Variants in PKD1L1 observed in about 807,000 individuals in gnomAD.
PKD1L1 encodes the protein polycystin-1-like protein 1.
A neutral mutation model predicts 323.4 loss-of-function variants in PKD1L1; 236 were observed. That is an observed-to-expected ratio of 0.73 (90% CI 0.66 to 0.81). The LOEUF (loss-of-function observed/expected upper bound fraction) is 0.81. Ranked by LOEUF, PKD1L1 falls within the 40% of genes least tolerant of loss-of-function variation. The pLI is 0.00. For synonymous variants in PKD1L1, 1,344 were observed against 1,335.0 expected (o/e 1.01, Z -0.15); for missense variants, 3,320 against 3,508.0 (o/e 0.95, Z 1.35).
chr7:47,937,179 T>C (rs1051980297), intron 3 of PKD1L1, among the ~76,000 whole-genome samples: 9 of 142,942 alleles, frequency 6.3e-5, no homozygotes, highest in African/African-American at 1.5e-4. Context: ...CATGTAGCCA[T>C]AACAGCATCT....
At position 47,904,714 on chromosome 7, in the gene PKD1L1, G is replaced by C. The variant is rs960491834; in HGVS notation, c.1692-97C>G. 1.3e-5 allele frequency: 18 copies of C among 1,356,388 alleles called. No homozygotes were observed. The East Asian group carries it at 4.1e-4, about 31-fold the overall frequency. The allele number at this position is 1,356,388 out of a possible 1,614,324, so 84.0% of individuals were successfully genotyped here. ...GTCTGCTATACTTTAAGAGGAAGGC[G>C]GGGGAGGGGGAGGCAGCATTTAATT... On this transcript the variant is annotated intron_variant, in intron 11 of 56. Coordinates refer to ENST00000289672, the MANE Select transcript of PKD1L1 (RefSeq NM_138295.5).
chr7:47,813,306 C>T lies in PKD1L1; in HGVS notation c.7174-13G>A. Reference sequence around the variant, plus strand: ...ATGGCCTGGGAGGCTGCAGAACAAACCAGCAGTCAGAAGACACAGATACTA... The same window carrying T: ...ATGGCCTGGGAGGCTGCAGAACAAATCAGCAGTCAGAAGACACAGATACTA... On this transcript the variant is annotated splice_polypyrimidine_tract_variant and intron_variant, in intron 48 of 56. Transcript: ENST00000289672. The T allele has an allele frequency of 6.2e-7, 1 of 1,613,640 alleles. No individual in the cohort carries two copies. The highest frequency in any genetic ancestry group is 1.7e-4 in the Middle Eastern group (1 of 6,060).
Position 47,943,350 on chromosome 7 carries a change from C to T in PKD1L1, c.160+46G>A, listed in dbSNP as rs767300130. ...TCCTGTTTATACCAGGGAAATAAAG[C>T]AACATTCTTATCATGGTGGCCATGC... On this transcript the variant is annotated intron_variant, in intron 2 of 56. Coordinates refer to ENST00000289672, the MANE Select transcript of PKD1L1 (RefSeq NM_138295.5). 8 of 1,460,792 alleles carry T rather than the reference C, an allele frequency of 5.5e-6. No individual in the cohort carries two copies. In the South Asian group the frequency reaches 8.1e-5, roughly 15 times the overall value. 90.5% of individuals were successfully genotyped at this position (1,460,792 alleles called of 1,614,324 possible). A position where few individuals can be genotyped will look rare whatever the true frequency, so the allele number is the denominator to read the frequency against.
At chr7:47,784,320 A>T (rs1786759903) in intron 56 of PKD1L1, among the ~76,000 whole-genome samples, 1 of 152,228 alleles carries the variant, frequency 6.6e-6, no homozygotes, top group South Asian at 2.1e-4. Flanking sequence ...TTTTAAATTT[A>T]ATTAGCTTTT....
At chr7:47,805,147 G>A (rs938327533) in intron 52 of PKD1L1, among the ~76,000 whole-genome samples, 1 of 151,740 alleles carries the variant, frequency 6.6e-6, no homozygotes, top group Non-Finnish European at 1.5e-5. Flanking sequence ...AACCCCCAAG[G>A]TATGTATCAT....
rs755787038 is a variant in PKD1L1 at position 47,796,153 on chromosome 7, A to G, written c.8194-3T>C. On this transcript the variant is annotated splice_region_variant and splice_polypyrimidine_tract_variant and intron_variant, in intron 54 of 56. Transcript: ENST00000289672. ...AAAGTCATGAGAAAACCTCTCAGCT[A>G]GGAAAAAGAAAAAAATAAAGACAAA... 6 of 1,575,256 alleles carry G rather than the reference A, an allele frequency of 3.8e-6. No homozygotes were observed. The African/African-American group carries it at 4.1e-5, about 11-fold the overall frequency.
chr7:47,788,369 C>T (rs1436283697), intron 56 of PKD1L1, among the ~76,000 whole-genome samples: 2 of 150,274 alleles, frequency 1.3e-5, no homozygotes, highest in East Asian at 1.9e-4. Context: ...CTGCTCACTG[C>T]AACCTCCACC....
At chr7:47,881,758 A>G (rs928024059) in intron 20 of PKD1L1, 151 bp downstream of exon 20, 2 of 747,356 alleles carry the variant, frequency 2.7e-6, no homozygotes, top group Non-Finnish European at 2.1e-6. Context: ...GTCTCAGGCC[A>G]TAGTCCATAG....
At chr7:47,933,354 C>G (rs989322680) in intron 4 of PKD1L1, among the ~76,000 whole-genome samples, 1 of 152,126 alleles carries the variant, frequency 6.6e-6, no homozygotes, top group African/African-American at 2.4e-5. Flanking sequence ...CTTCCTGAGT[C>G]GTCATTTTTT....
chr7:47,835,065 C>G (rs1321187903), intron 38 of PKD1L1, 26 bp from the exon 39 acceptor site: 1 of 1,612,570 alleles, frequency 6.2e-7, no homozygotes, highest in Admixed American at 1.7e-5. Context: ...GGTGGTTCGC[C>G]AAGCGTGTTC....
At chr7:47,947,738 C>G (rs545584121) in intron 1 of PKD1L1, among the ~76,000 whole-genome samples, 1 of 152,136 alleles carries the variant, frequency 6.6e-6, no homozygotes, top group Non-Finnish European at 1.5e-5. Context: ...GAGGCCAAGG[C>G]GGGCAGATCA....
Position 47,936,955 on chromosome 7 carries a change from T to C in PKD1L1, c.289A>G (p.Ile97Val). 1 of 1,603,936 alleles carries C rather than the reference T, an allele frequency of 6.2e-7. No individual in the cohort carries two copies. The highest frequency in any genetic ancestry group is 8.5e-7 in the Non-Finnish European group (1 of 1,175,638). ...GCTGCTTCACTAGTTGTTTTCCAAATGTTCTGTAAGAAAAAATAATAAAAT... is the reference window on the plus strand; with the variant it reads ...GCTGCTTCACTAGTTGTTTTCCAAACGTTCTGTAAGAAAAAATAATAAAAT... ...PSSSASRQKN[I>V]WKTTSEAALS... Residue 97 changes from isoleucine (I) to valine (V), a missense_variant, in exon 4 of 57, where the codon ATT becomes GTT. Coordinates refer to ENST00000289672, the MANE Select transcript of PKD1L1 (RefSeq NM_138295.5).
rs1475884300 is a variant in PKD1L1, at chr7:47,946,567, A to T, written c.44+1830T>A. Reference sequence around the variant, plus strand: ...ACACACACATCACACAGCACACACCATGTATCACACACACACCATACCCCA... The same window carrying T: ...ACACACACATCACACAGCACACACCTTGTATCACACACACACCATACCCCA... On this transcript the variant is annotated intron_variant, in intron 1 of 56. Coordinates refer to ENST00000289672, the MANE Select transcript of PKD1L1 (RefSeq NM_138295.5). This position sits in a 1 kb window ranked among gnomAD's most constrained non-coding sequence, Gnocchi z 4.1. Among the ~76,000 whole-genome samples, 2 of 150,594 alleles carry T rather than the reference A, an allele frequency of 1.3e-5. No homozygotes were observed. Among genetic ancestry groups the T allele is most frequent in the African/African-American group, 4.9e-5 (2 of 40,878 alleles).
At position 47,843,010 on chromosome 7, in the gene PKD1L1, C is replaced by A. The variant is rs548476706; in HGVS notation, c.5397G>T (p.Ala1799=). The A allele has an allele frequency of 6.2e-7, 1 of 1,613,698 alleles. No individual in the cohort carries two copies. Among genetic ancestry groups the A allele is most frequent in the Non-Finnish European group, 8.5e-7 (1 of 1,179,880 alleles). The change falls in exon 34 of 57, where the codon GCG becomes GCT. Residue 1799 remains alanine, a synonymous_variant. Coordinates refer to ENST00000289672, the MANE Select transcript of PKD1L1 (RefSeq NM_138295.5). ...CTCGGAAGCCAGTGTCAATGACGACCGCATATAGCTGATGGCCCGGCAGGG... is the reference window on the plus strand; with the variant it reads ...CTCGGAAGCCAGTGTCAATGACGACAGCATATAGCTGATGGCCCGGCAGGG... ...EASLPGHQLY[A]VVIDTGFRAP...
intron 28 of PKD1L1, among the ~76,000 whole-genome samples, chr7:47,856,048 A>AT (rs1301184659): frequency 3.3e-5 from 5 of 151,682 alleles, no homozygotes; most frequent in African/African-American, 1.2e-4. Context: ...ATATCTATAT[A>AT]TTTTTTTGAC....
intron 23 of PKD1L1, 144 bp downstream of exon 23, chr7:47,875,953 A>G (rs1786394577): frequency 1.4e-6 from 1 of 729,798 alleles, no homozygotes; most frequent in Admixed American, 3.5e-5. Context: ...ACTAAAAGGT[A>G]GATAATAAAC....
chr7:47,825,990 C>T (rs542212035), intron 45 of PKD1L1, among the ~76,000 whole-genome samples: 5 of 152,188 alleles, frequency 3.3e-5, no homozygotes, highest in Admixed American at 6.5e-5. Flanking sequence ...CAGAGGGCTA[C>T]GTCCTGGCAG....
At position 47,904,485 on chromosome 7, in the gene PKD1L1, C is replaced by T; in HGVS notation, c.1824G>A (p.Val608=). ...SPSSALVNAS[V]AFECWINFGT... ...CGAAGTTGATCCAGCACTCAAAGGC[C>T]ACACTGGCATTTACCAGAGCTGAGG... The change falls in exon 12 of 57, where the codon GTG becomes GTA. Residue 608 remains valine, a synonymous_variant. Coordinates refer to ENST00000289672, the MANE Select transcript of PKD1L1 (RefSeq NM_138295.5). 6.2e-7 allele frequency: 1 copy of T among 1,614,176 alleles called. No individual in the cohort carries two copies. The highest frequency in any genetic ancestry group is 2.2e-5 in the East Asian group (1 of 44,878).
At chr7:47,929,019 AAC>A (rs1240922679) in intron 7 of PKD1L1, among the ~76,000 whole-genome samples, 183 bp downstream of exon 7, 2 of 152,312 alleles carry the variant, frequency 1.3e-5, no homozygotes, top group South Asian at 2.1e-4. Flanking sequence ...CACAGTGCAA[AAC>A]ACAGTGCACA....
Sources: gnomAD v4.1 joint callset for allele counts (sites outside exome capture counted in the v4.1 genomes callset) on GRCh38, gnomAD v4.1.1 for gene constraint, Gnocchi (gnomAD v3.1) non-coding constraint, MANE v1.5 for transcripts, NCBI Gene and HGNC (gene_info 2026-07-23, HGNC 2026-07-21) for gene names.